CSMD1: variants seen among roughly 807,000 people sequenced by gnomAD.
CSMD1 encodes CUB and sushi domain-containing protein 1.
Under a neutral mutation model 417.5 loss-of-function variants are expected in CSMD1, and 213 were observed. The observed-to-expected ratio is 0.51, with a 90% CI of 0.46 to 0.57. The LOEUF (loss-of-function observed/expected upper bound fraction) is 0.57, where lower values mean the gene tolerates loss of function less well. Ranked by LOEUF, CSMD1 falls within the 20% of genes least tolerant of loss-of-function variation. CSMD1 has a pLI of 0.00. For missense variants in CSMD1, 6,923 were observed against 4,529.7 expected, an observed-to-expected ratio of 1.53 and a Z score of -15.17; for synonymous variants, 2,862 against 1,736.8, an observed-to-expected ratio of 1.65 and a Z score of -16.11.
At position 4,001,063 on chromosome 8, in the gene CSMD1, A is replaced by AG. The variant is rs1815633154; in HGVS notation, c.611-2954_611-2953insC. The stretch of plus-strand genomic sequence containing the variant: ...GAGGGGAAAATAAAAAAAGGAAAAA[A>AG]AAAACTGACATCAAATGATTATGAA... On this transcript the variant is annotated intron_variant, in intron 4 of 69. Coordinates refer to ENST00000635120, the MANE Select transcript of CSMD1 (RefSeq NM_033225.6). Among the ~76,000 whole-genome samples the AG allele has an allele frequency of 2.0e-5, 3 of 151,914 alleles. No individual in the cohort carries two copies. In the South Asian group the frequency reaches 6.3e-4, roughly 32 times the overall value.
rs2067651 is a variant in CSMD1, at chr8:4,374,345, C to T, written c.415+45608G>A. ...ACAATGTAATCTTTTTCTTTATTTT[C>T]AGAATCTGATTATAGGTGTCAGGGG... On this transcript the variant is annotated intron_variant, in intron 3 of 69. Coordinates refer to ENST00000635120, the MANE Select transcript of CSMD1 (RefSeq NM_033225.6). 8.1e-3 allele frequency among the ~76,000 whole-genome samples: 1,236 copies of T among 152,154 alleles called. 15 individuals are homozygous for T. The highest frequency in any genetic ancestry group is 0.028 in the African/African-American group (1,142 of 41,494).
chr8:3,684,102 T>C (rs1421063698), intron 7 of CSMD1, among the ~76,000 whole-genome samples: 2 of 146,044 alleles, frequency 1.4e-5, no homozygotes, highest in Non-Finnish European at 3.0e-5. Context: ...TGTATAGATA[T>C]TATATATTAT....
chr8:3,304,207 G>T (rs1228328629), intron 25 of CSMD1, among the ~76,000 whole-genome samples: 2 of 152,030 alleles, frequency 1.3e-5, no homozygotes, highest in Non-Finnish European at 2.9e-5. Context: ...ATATTTTAAA[G>T]AGCTAAATTA....
intron 40 of CSMD1, among the ~76,000 whole-genome samples, chr8:3,146,264 C>CG (rs1818838833): frequency 2.6e-5 from 4 of 151,930 alleles, no homozygotes; most frequent in Admixed American, 2.6e-4. Flanking sequence ...CTCAAGAAAA[C>CG]GGAGACCGAA....
intron 1 of CSMD1, among the ~76,000 whole-genome samples, chr8:4,949,167 A>C (rs1246824790): frequency 6.6e-6 from 1 of 152,094 alleles, no homozygotes; most frequent in Non-Finnish European, 1.5e-5. Flanking sequence ...GATAAACTCA[A>C]GTTTATCATG....
chr8:3,563,442 T>TAAAAAAA (rs60108067), intron 10 of CSMD1, among the ~76,000 whole-genome samples: 15 of 62,740 alleles, frequency 2.4e-4, no homozygotes, highest in African/African-American at 4.2e-4. Context: ...TATTAAAAGG[T>TAAAAAAA]AAAAAAAAAA....
chr8:4,373,270 G>T (rs1395329956), intron 3 of CSMD1, among the ~76,000 whole-genome samples: 2 of 152,158 alleles, frequency 1.3e-5, no homozygotes, highest in African/African-American at 2.4e-5. Flanking sequence ...ATAAGTAAAT[G>T]TCAAGTGTGA....
intron 5 of CSMD1, among the ~76,000 whole-genome samples, chr8:3,782,677 A>T (rs952052614): frequency 6.6e-6 from 1 of 152,348 alleles, no homozygotes; most frequent in Admixed American, 6.5e-5. Flanking sequence ...CAGAGTCAAC[A>T]ATGTTTGAGA....
chr8:3,596,741 G>C (rs773184071), intron 8 of CSMD1, among the ~76,000 whole-genome samples: 2 of 152,072 alleles, frequency 1.3e-5, no homozygotes, highest in Non-Finnish European at 2.9e-5. Context: ...GGGTGGGCAA[G>C]AGAAGAAAAC....
chr8:4,866,514 C>A (rs1040178343), intron 1 of CSMD1, among the ~76,000 whole-genome samples: 2 of 151,496 alleles, frequency 1.3e-5, no homozygotes, highest in Non-Finnish European at 3.0e-5. Flanking sequence ...ACTTTTAATC[C>A]CCACAACATA....
intron 51 of CSMD1, among the ~76,000 whole-genome samples, chr8:3,019,808 C>G (rs1809204691): frequency 6.6e-6 from 1 of 152,206 alleles, no homozygotes; most frequent in African/African-American, 2.4e-5. Context: ...TTCAGAAACA[C>G]TTGAGCACAG....
intron 3 of CSMD1, among the ~76,000 whole-genome samples, chr8:4,064,429 G>C (rs534812860): frequency 7.2e-5 from 11 of 152,136 alleles, no homozygotes; most frequent in Non-Finnish European, 1.0e-4. Flanking sequence ...AAGCTTCTGC[G>C]GGCTTTGCCC....
chr8:4,471,081 G>T (rs1007459196), intron 2 of CSMD1, among the ~76,000 whole-genome samples: 1 of 152,042 alleles, frequency 6.6e-6, no homozygotes, highest in Non-Finnish European at 1.5e-5. Context: ...TAAAATCTTT[G>T]ACATATTTGT....
intron 5 of CSMD1, among the ~76,000 whole-genome samples, chr8:3,979,206 C>G (rs1813666575): frequency 6.6e-6 from 1 of 152,192 alleles, no homozygotes; most frequent in Non-Finnish European, 1.5e-5. Flanking sequence ...ACAGCCAAAT[C>G]TCAATAATGT....
intron 5 of CSMD1, among the ~76,000 whole-genome samples, chr8:3,839,045 T>C (rs1393914763): frequency 7.8e-6 from 1 of 127,866 alleles, no homozygotes; most frequent in South Asian, 2.3e-4. Flanking sequence ...TTATTATATA[T>C]ATAAAATATA....
intron 3 of CSMD1, among the ~76,000 whole-genome samples, chr8:4,289,297 C>T (rs1178057581): frequency 1.3e-5 from 2 of 152,154 alleles, no homozygotes; most frequent in South Asian, 2.1e-4. Context: ...TAATTTCACC[C>T]ATTATATATG....
intron 5 of CSMD1, among the ~76,000 whole-genome samples, chr8:3,951,419 T>C (rs1300758667): frequency 3.3e-5 from 5 of 152,216 alleles, no homozygotes; most frequent in Non-Finnish European, 1.5e-5. Flanking sequence ...AGAATGTAAC[T>C]TAAACTCTGT....
Position 3,928,306 on chromosome 8 carries a change from A to T in CSMD1, c.818+69597T>A, listed in dbSNP as rs367564416. 3.9e-5 allele frequency among the ~76,000 whole-genome samples: 6 copies of T among 152,332 alleles called. No individual in the cohort carries two copies. In the East Asian group the frequency reaches 9.6e-4, roughly 24 times the overall value. ...TTACATTGATTATTCAACTTCTTGA[A>T]TGTATTTTTCTTTTAATTGCCAGGA... On this transcript the variant is annotated intron_variant, in intron 5 of 69. Transcript: ENST00000635120.
chr8:3,126,246 G>C (rs77079074), intron 41 of CSMD1, among the ~76,000 whole-genome samples: 3,938 of 152,260 alleles, frequency 0.026, 178 homozygotes, highest in African/African-American at 0.09. Flanking sequence ...AATCAGTGTT[G>C]GCATATATTA....
Sources: allele counts gnomAD v4.1 joint callset (sites outside exome capture counted in the v4.1 genomes callset), GRCh38; gene constraint gnomAD v4.1.1; transcripts MANE v1.5; gene names NCBI Gene and HGNC (gene_info 2026-07-23, HGNC 2026-07-21).